ADAMTS18: variants seen among roughly 807,000 people sequenced by gnomAD.
ADAMTS18 encodes the protein ADAM metallopeptidase with thrombospondin type 1 motif 18.
A neutral mutation model predicts 165.9 loss-of-function variants in ADAMTS18; 157 were observed. That is an observed-to-expected ratio of 0.95 (90% CI 0.83 to 1.08). ADAMTS18 has a LOEUF of 1.08. Ranked by LOEUF, ADAMTS18 falls within the 50% of genes least tolerant of loss-of-function variation. ADAMTS18 has a pLI of 0.00. For missense variants in ADAMTS18, 2,040 were observed against 1,534.0 expected (o/e 1.33, Z -5.51); for synonymous variants, 782 against 578.2 (o/e 1.35, Z -5.06).
intron 4 of ADAMTS18, 146 bp from the exon 5 acceptor site, chr16:77,364,527 C>T: frequency 2.3e-6 from 2 of 857,800 alleles, no homozygotes; most frequent in Non-Finnish European, 3.6e-6. Flanking sequence ...TCAGTGCCTG[C>T]CCAGGTGCCT....
chr16:77,282,297 A>G lies in ADAMTS18; in HGVS notation c.*1659T>C, dbSNP rs2055160835. The G allele has an allele frequency of 6.6e-6, 1 of 152,128 alleles. No homozygotes were observed. 9.4% of individuals were successfully genotyped at this position (152,128 alleles called of 1,614,324 possible). On this transcript the variant is annotated 3_prime_UTR_variant, in exon 23 of 23. Coordinates refer to ENST00000282849, the MANE Select transcript of ADAMTS18 (RefSeq NM_199355.4). Reference sequence around the variant, plus strand: ...ATAATAGGCTATTAATTAATAAATTAATTTTCCATAAAATAATAAAATGAT... The same window carrying G: ...ATAATAGGCTATTAATTAATAAATTGATTTTCCATAAAATAATAAAATGAT...
intron 11 of ADAMTS18, among the ~76,000 whole-genome samples, chr16:77,336,856 T>G (rs895321755): frequency 1.6e-4 from 24 of 152,242 alleles, no homozygotes; most frequent in Non-Finnish European, 2.9e-5. Context: ...TCTGCATGAC[T>G]TAGCATAACT....
intron 8 of ADAMTS18, among the ~76,000 whole-genome samples, chr16:77,356,596 TC>T (rs2056634199): frequency 6.6e-6 from 1 of 151,832 alleles, no homozygotes; most frequent in Non-Finnish European, 1.5e-5. Context: ...AATCACAAAC[TC>T]TAATTGTAAT....
chr16:77,342,148 C>T (rs16945524), intron 10 of ADAMTS18, among the ~76,000 whole-genome samples: 1 of 152,150 alleles, frequency 6.6e-6, no homozygotes, highest in Non-Finnish European at 1.5e-5. Flanking sequence ...TAAAGCAAGT[C>T]GGATTCAAGT....
Position 77,289,269 on chromosome 16 carries a change from T to TTTTCAGGAGCTGGACAGAAGTTTGTA in ADAMTS18, c.3519_3544dup (p.Lys1182IlefsTer17). Reference sequence around the variant, plus strand: ...GGAGCATGGTGCCTTTTTACCTCTCTTTTCAGGAGCTGGACAGAAGTTTGT... The same window carrying TTTTCAGGAGCTGGACAGAAGTTTGTA: ...GGAGCATGGTGCCTTTTTACCTCTCTTTTCAGGAGCTGGACAGAAGTTTGTATTTCAGGAGCTGGACAGAAGTTTGT... On this transcript the variant is annotated frameshift_variant, in exon 22 of 23. Coordinates refer to ENST00000282849, the MANE Select transcript of ADAMTS18 (RefSeq NM_199355.4). LOFTEE classifies it high-confidence loss of function. The TTTTCAGGAGCTGGACAGAAGTTTGTA allele has an allele frequency of 6.2e-7, 1 of 1,614,134 alleles. No individual in the cohort carries two copies. Among genetic ancestry groups the TTTTCAGGAGCTGGACAGAAGTTTGTA allele is most frequent in the Non-Finnish European group, 8.5e-7 (1 of 1,179,988 alleles).
At chr16:77,379,638 G>A (rs1024189786) in intron 3 of ADAMTS18, among the ~76,000 whole-genome samples, 2 of 152,086 alleles carry the variant, frequency 1.3e-5, no homozygotes, top group African/African-American at 4.8e-5. Context: ...ACAGGTGCGT[G>A]CCACCACACC....
At chr16:77,284,782 G>A (rs374054903) in intron 22 of ADAMTS18, among the ~76,000 whole-genome samples, 1 of 152,254 alleles carries the variant, frequency 6.6e-6, no homozygotes, top group East Asian at 1.9e-4. Context: ...TGTACCACTA[G>A]TACCGCTGGT....
At chr16:77,308,959 T>A (rs1243817418) in intron 16 of ADAMTS18, among the ~76,000 whole-genome samples, 1 of 152,204 alleles carries the variant, frequency 6.6e-6, no homozygotes, top group African/African-American at 2.4e-5. Context: ...AAAATAAACA[T>A]AATGCAGTCA....
chr16:77,385,787 C>G (rs1408563489), intron 3 of ADAMTS18, among the ~76,000 whole-genome samples: 1 of 152,166 alleles, frequency 6.6e-6, no homozygotes, highest in African/African-American at 2.4e-5. Flanking sequence ...ACATGACCAC[C>G]ATGTTGGAAA....
intron 11 of ADAMTS18, 102 bp from the exon 12 acceptor site, chr16:77,336,006 G>A (rs1460007128): frequency 2.8e-6 from 4 of 1,438,028 alleles, no homozygotes; most frequent in East Asian, 4.5e-5. Flanking sequence ...GGTCTGTTGG[G>A]AGAAAAGGAA....
intron 9 of ADAMTS18, among the ~76,000 whole-genome samples, chr16:77,354,773 T>A (rs2056603961): frequency 6.6e-6 from 1 of 152,218 alleles, no homozygotes; most frequent in African/African-American, 2.4e-5. Flanking sequence ...GCTGTTATCA[T>A]TATTATAACA....
At chr16:77,413,207 C>T (rs1180361734) in intron 3 of ADAMTS18, among the ~76,000 whole-genome samples, 1 of 152,126 alleles carries the variant, frequency 6.6e-6, no homozygotes, top group Non-Finnish European at 1.5e-5. Context: ...ATAAAGGCCA[C>T]CTGACCTGCT....
chr16:77,334,712 C>A (rs1455599125), intron 12 of ADAMTS18, among the ~76,000 whole-genome samples: 2 of 99,934 alleles, frequency 2.0e-5, no homozygotes, highest in Admixed American at 1.2e-4. Flanking sequence ...ATACTGTATA[C>A]TATAGTATAC....
chr16:77,395,329 C>G (rs2057242521), intron 3 of ADAMTS18, among the ~76,000 whole-genome samples: 1 of 152,188 alleles, frequency 6.6e-6, no homozygotes, highest in Non-Finnish European at 1.5e-5. Context: ...TGCAGCCTGT[C>G]AAGGACTCTG....
intron 21 of ADAMTS18, 126 bp downstream of exon 21, chr16:77,291,140 A>G: frequency 9.4e-7 from 1 of 1,067,704 alleles, no homozygotes. Context: ...TTCTGCCTTC[A>G]GAACTTGAGC....
At chr16:77,418,641 C>T (rs1296990038) in intron 3 of ADAMTS18, among the ~76,000 whole-genome samples, 1 of 149,026 alleles carries the variant, frequency 6.7e-6, no homozygotes, top group African/African-American at 2.4e-5. Flanking sequence ...TAACAATTTC[C>T]TAAGCAATTT....
intron 17 of ADAMTS18, 26 bp downstream of exon 17, chr16:77,300,237 G>A (rs1347825551): frequency 6.2e-7 from 1 of 1,613,688 alleles, no homozygotes; most frequent in Admixed American, 1.7e-5. Context: ...GACAGACTTT[G>A]GAGACAGAAT....
chr16:77,336,024 G>A (rs2056305225), intron 11 of ADAMTS18, 120 bp from the exon 12 acceptor site: 1 of 1,175,062 alleles, frequency 8.5e-7, no homozygotes. Flanking sequence ...GAAAATGCCT[G>A]ATACCTTGAT....
At chr16:77,297,960 T>C (rs1249472629) in intron 17 of ADAMTS18, among the ~76,000 whole-genome samples, 1 of 141,140 alleles carries the variant, frequency 7.1e-6, no homozygotes, top group Non-Finnish European at 1.5e-5. Flanking sequence ...AGTCTCATTC[T>C]GTCGCCCAGG....
Sources: allele counts gnomAD v4.1 joint callset (sites outside exome capture counted in the v4.1 genomes callset), GRCh38; gene constraint gnomAD v4.1.1; transcripts MANE v1.5; gene names NCBI Gene and HGNC (gene_info 2026-07-23, HGNC 2026-07-21).